CCBE1: variants seen among roughly 807,000 people sequenced by gnomAD.
CCBE1 encodes the protein collagen and calcium binding EGF domains 1, also known as collagen and calcium-binding EGF domain-containing protein 1.
In CCBE1, 37 loss-of-function variants were observed where a neutral mutation model predicts 50.0. The observed-to-expected ratio is 0.74, with a 90% CI of 0.57 to 0.97. The LOEUF (loss-of-function observed/expected upper bound fraction) is 0.97, where lower values mean the gene tolerates loss of function less well. Among genes scored for constraint, CCBE1 ranks in the 50% least tolerant of loss-of-function variants. The pLI is 0.00. For synonymous variants in CCBE1, 234 were observed against 203.7 expected (o/e 1.15, Z -1.27); for missense variants, 538 against 523.8 (o/e 1.03, Z -0.26).
intron 6 of CCBE1, among the ~76,000 whole-genome samples, chr18:59,449,398 G>T (rs1306032158): frequency 6.6e-6 from 1 of 150,450 alleles, no homozygotes; most frequent in Non-Finnish European, 1.5e-5. Flanking sequence ...AAGGCAGGTG[G>T]ATCACTTGAG....
At chr18:59,548,050 C>T (rs1915775015) in intron 2 of CCBE1, among the ~76,000 whole-genome samples, 1 of 152,198 alleles carries the variant, frequency 6.6e-6, no homozygotes, top group Non-Finnish European at 1.5e-5. Flanking sequence ...AAAATGTGGT[C>T]ACAGTGCCAT....
At chr18:59,604,688 T>A (rs2053474072) in intron 2 of CCBE1, among the ~76,000 whole-genome samples, 1 of 152,220 alleles carries the variant, frequency 6.6e-6, no homozygotes, top group Admixed American at 6.5e-5. Flanking sequence ...CAATAGGCAT[T>A]TGTTTCAATG....
intron 6 of CCBE1, among the ~76,000 whole-genome samples, chr18:59,450,428 C>T (rs1910877076): frequency 6.6e-6 from 1 of 152,042 alleles, no homozygotes; most frequent in East Asian, 1.9e-4. Context: ...GGTAACTTAC[C>T]GAGAGTCACA....
chr18:59,610,226 G>A (rs1192147310), intron 2 of CCBE1, among the ~76,000 whole-genome samples: 2 of 152,200 alleles, frequency 1.3e-5, no homozygotes, highest in South Asian at 2.1e-4. Context: ...CCAAGCAGGT[G>A]CATTAGCTTT....
At chr18:59,456,132 G>A (rs1163061234) in intron 5 of CCBE1, among the ~76,000 whole-genome samples, 2 of 152,142 alleles carry the variant, frequency 1.3e-5, no homozygotes, top group African/African-American at 2.4e-5. Flanking sequence ...CATTTACCGT[G>A]TGTCCCTCCC....
intron 2 of CCBE1, among the ~76,000 whole-genome samples, chr18:59,607,198 T>C (rs986076902): frequency 6.6e-6 from 1 of 152,180 alleles, no homozygotes; most frequent in African/African-American, 2.4e-5. Flanking sequence ...ATTTTTACAA[T>C]GCAGATTTGG....
intron 7 of CCBE1, among the ~76,000 whole-genome samples, chr18:59,447,708 G>GT (rs1910741914): frequency 6.6e-6 from 1 of 152,038 alleles, no homozygotes; most frequent in Non-Finnish European, 1.5e-5. Flanking sequence ...GTTTTCATTT[G>GT]GTTTTTTTAA....
intron 2 of CCBE1, among the ~76,000 whole-genome samples, chr18:59,545,574 T>G (rs181889424): frequency 9.2e-5 from 14 of 152,338 alleles, no homozygotes; most frequent in African/African-American, 2.9e-4. Flanking sequence ...TGGACTTTCA[T>G]GTTCTAGTTT....
At chr18:59,499,081 A>G (rs560538713) in intron 2 of CCBE1, among the ~76,000 whole-genome samples, 2 of 152,320 alleles carry the variant, frequency 1.3e-5, no homozygotes, top group East Asian at 3.9e-4. Context: ...CATACATCCT[A>G]AGCACTGCTA....
chr18:59,485,513 G>A lies in CCBE1; in HGVS notation c.213-5275C>T, dbSNP rs541716696. On this transcript the variant is annotated intron_variant, in intron 2 of 10. Transcript: ENST00000439986. ...TATTTGCACCCTTGCTGCAATGCAA[G>A]GGTACATTTTTCTATTATTTATTTG... Among the ~76,000 whole-genome samples the A allele has an allele frequency of 4.1e-4, 62 of 151,964 alleles. 1 individual carries two copies. Among genetic ancestry groups the A allele is most frequent in the Non-Finnish European group, 8.2e-4 (56 of 67,992 alleles).
intron 2 of CCBE1, chr18:59,688,110 G>A (rs924487212): frequency 2.0e-5 from 3 of 152,090 alleles, no homozygotes; most frequent in South Asian, 2.1e-4. Context: ...CCCTCGATGG[G>A]TATTCCTCCA....
intron 2 of CCBE1, among the ~76,000 whole-genome samples, chr18:59,495,316 A>C (rs553799969): frequency 2.7e-4 from 41 of 152,162 alleles, no homozygotes; most frequent in Non-Finnish European, 3.7e-4. Flanking sequence ...TGTACTTTGG[A>C]TAATCGGTTT....
At chr18:59,666,680 A>G (rs1004032725) in intron 2 of CCBE1, among the ~76,000 whole-genome samples, 2 of 152,116 alleles carry the variant, frequency 1.3e-5, no homozygotes, top group African/African-American at 4.8e-5. Context: ...TTAAAGTTAC[A>G]AGGAGACTGG....
intron 6 of CCBE1, among the ~76,000 whole-genome samples, chr18:59,450,659 G>C (rs111828236): frequency 3.2e-4 from 48 of 152,116 alleles, no homozygotes; most frequent in Non-Finnish European, 1.2e-4. Flanking sequence ...TCAGCCTCCC[G>C]AGTAGATGGA....
chr18:59,589,113 CT>C (rs1167413406), intron 2 of CCBE1, among the ~76,000 whole-genome samples: 3 of 152,164 alleles, frequency 2.0e-5, no homozygotes, highest in Non-Finnish European at 2.9e-5. Context: ...GAACTCAACC[CT>C]TGGGGATCCC....
At chr18:59,642,165 G>GA (rs146389037) in intron 2 of CCBE1, among the ~76,000 whole-genome samples, 4,062 of 152,094 alleles carry the variant, frequency 0.027, 184 homozygotes, top group African/African-American at 0.094. Flanking sequence ...ATCAATAAAA[G>GA]AAAAACAATC....
chr18:59,482,186 C>T (rs1912602884), intron 2 of CCBE1, among the ~76,000 whole-genome samples: 1 of 152,210 alleles, frequency 6.6e-6, no homozygotes, highest in African/African-American at 2.4e-5. Context: ...ATGGTTTCCA[C>T]TTTCATCCAT....
At chr18:59,641,308 C>T (rs190931480) in intron 2 of CCBE1, among the ~76,000 whole-genome samples, 3 of 152,184 alleles carry the variant, frequency 2.0e-5, no homozygotes, top group Admixed American at 1.3e-4. Context: ...TTTGCAACAA[C>T]AGGGATGGAG....
intron 2 of CCBE1, among the ~76,000 whole-genome samples, chr18:59,640,202 G>A (rs1248713269): frequency 1.3e-5 from 2 of 152,144 alleles, no homozygotes; most frequent in Non-Finnish European, 2.9e-5. Flanking sequence ...AAAAAGAATA[G>A]AGATGGAGGC....
Sources: gnomAD v4.1 joint callset for allele counts (sites outside exome capture counted in the v4.1 genomes callset) on GRCh38, gnomAD v4.1.1 for gene constraint, MANE v1.5 for transcripts, NCBI Gene and HGNC (gene_info 2026-07-23, HGNC 2026-07-21) for gene names.